The following IPO5 variants were observed in gnomAD, a reference collection of about 807,000 sequenced individuals.
The protein encoded by IPO5 is importin-5.
A neutral mutation model predicts 143.3 loss-of-function variants in IPO5; 18 were observed. The observed-to-expected ratio is 0.13, with a 90% CI of 0.09 to 0.19. The LOEUF (loss-of-function observed/expected upper bound fraction) is 0.19. IPO5 is among the 10% of genes least tolerant of loss of function. The pLI, the probability that IPO5 is intolerant of heterozygous loss-of-function variation, is 1.00. For synonymous variants in IPO5, 477 were observed against 465.7 expected, an observed-to-expected ratio of 1.02 and a Z score of -0.31; for missense variants, 1,013 against 1,336.9, an observed-to-expected ratio of 0.76 and a Z score of 3.78.
intron 2 of IPO5, among the ~76,000 whole-genome samples, chr13:97,966,555 A>C (rs185820976): frequency 6.6e-6 from 1 of 152,046 alleles, no homozygotes; most frequent in South Asian, 2.1e-4. Context: ...TTGTGTCGAT[A>C]TTGGTCTATA....
rs189645091 is a variant in IPO5, at chr13:97,990,540, A to G, written c.669+3A>G. ...ACTTGCTACCGGGATTCCTACAGGTATGAAAGCAATATAGAATAAATCATA... is the reference window on the plus strand; with the variant it reads ...ACTTGCTACCGGGATTCCTACAGGTGTGAAAGCAATATAGAATAAATCATA... On this transcript the variant is annotated splice_donor_region_variant and intron_variant, in intron 9 of 28. Coordinates refer to ENST00000651721, the MANE Select transcript of IPO5 (RefSeq NM_002271.6). 4.0e-6 allele frequency: 6 copies of G among 1,482,744 alleles called. No individual in the cohort carries two copies. In the East Asian group the frequency reaches 9.1e-5, roughly 22 times the overall value. 91.8% of individuals were successfully genotyped at this position (1,482,744 alleles called of 1,614,324 possible).
chr13:97,992,798 T>G, intron 9 of IPO5, 94 bp from the exon 10 acceptor site: 1 of 1,268,154 alleles, frequency 7.9e-7, no homozygotes, highest in South Asian at 1.5e-5. Flanking sequence ...AGTTTAGTAA[T>G]ATTTCTCTAT....
chr13:97,967,594 C>T (rs1885450217), intron 2 of IPO5, among the ~76,000 whole-genome samples: 1 of 151,970 alleles, frequency 6.6e-6, no homozygotes, highest in South Asian at 2.1e-4. Flanking sequence ...ATTTTGGTAT[C>T]TTATATTTTT....
intron 5 of IPO5, among the ~76,000 whole-genome samples, chr13:97,983,140 G>C (rs1025265760): frequency 6.6e-6 from 1 of 152,202 alleles, no homozygotes; most frequent in South Asian, 2.1e-4. Context: ...GAAAGTGCTG[G>C]GATTACAGGC....
chr13:97,972,466 A>C (rs1885901383), intron 3 of IPO5, among the ~76,000 whole-genome samples: 1 of 152,200 alleles, frequency 6.6e-6, no homozygotes, highest in Non-Finnish European at 1.5e-5. Flanking sequence ...AGTACTTCCT[A>C]ACAGCAAAAA....
In IPO5 at chr13:97,992,721, A is replaced by G. The variant is rs544436601; in HGVS notation, c.670-171A>G. Among the ~76,000 whole-genome samples, 10 of 152,372 alleles carry G rather than the reference A, an allele frequency of 6.6e-5. No homozygotes were observed. The East Asian group carries it at 1.9e-3, about 29-fold the overall frequency. On this transcript the variant is annotated intron_variant, in intron 9 of 28. Coordinates refer to ENST00000651721, the MANE Select transcript of IPO5 (RefSeq NM_002271.6). ...TTCTAGTTAACATCCATCAGAAGGAAGGTATACATGTGCCTGCAGGTAGAA... is the reference window on the plus strand; with the variant it reads ...TTCTAGTTAACATCCATCAGAAGGAGGGTATACATGTGCCTGCAGGTAGAA...
rs560602399 is a variant in IPO5, at chr13:98,013,322, A to T, written c.2153-720A>T. Among the ~76,000 whole-genome samples the T allele has an allele frequency of 5.3e-5, 8 of 152,224 alleles. No individual in the cohort carries two copies. The East Asian group carries it at 1.5e-3, about 29-fold the overall frequency. On this transcript the variant is annotated intron_variant, in intron 21 of 28. Coordinates refer to ENST00000651721, the MANE Select transcript of IPO5 (RefSeq NM_002271.6). The stretch of plus-strand genomic sequence containing the variant: ...TCGAACTCCTGACCTCAGGTGATCC[A>T]CCCACATCTGCGTTCCAATATCTTT...
At position 98,010,009 on chromosome 13, in the gene IPO5, A is replaced by G; in HGVS notation, c.1929A>G (p.Leu643=). ...TASIKPEVAL[L]DTQDMENMSD... Reference sequence around the variant, plus strand: ...CAATTAAGCCCGAAGTAGCCCTTTTAGATAGTAGGTGTCTTTAGAAGGAGC... The same window carrying G: ...CAATTAAGCCCGAAGTAGCCCTTTTGGATAGTAGGTGTCTTTAGAAGGAGC... The change falls in exon 19 of 29, where the codon TTA becomes TTG. Residue 643 remains leucine, a synonymous_variant. Transcript: ENST00000651721. 1 of 1,614,120 alleles carries G rather than the reference A, an allele frequency of 6.2e-7. No individual in the cohort carries two copies.
chr13:97,978,828 G>A (rs557998218), intron 4 of IPO5, among the ~76,000 whole-genome samples: 3 of 152,252 alleles, frequency 2.0e-5, no homozygotes, highest in Admixed American at 2.0e-4. Flanking sequence ...GGTGCCTGTT[G>A]TAAATCTTTT....
At position 98,016,362 on chromosome 13, in the gene IPO5, C is replaced by T. The variant is rs138829595; in HGVS notation, c.2494-367C>T. 4.5e-4 allele frequency among the ~76,000 whole-genome samples: 68 copies of T among 152,252 alleles called. 1 individual carries two copies. In the East Asian group the frequency reaches 0.013, roughly 28 times the overall value. On this transcript the variant is annotated intron_variant, in intron 24 of 28. Coordinates refer to ENST00000651721, the MANE Select transcript of IPO5 (RefSeq NM_002271.6). ...GACCCCATTCTCCCCACCATCCACC[C>T]CGAAATGAGGATTATTCTGCTGAAA...
chr13:97,964,157 G>A (rs1036497900), intron 2 of IPO5, among the ~76,000 whole-genome samples: 4 of 152,228 alleles, frequency 2.6e-5, no homozygotes, highest in African/African-American at 9.6e-5. Context: ...TGTTCATTCT[G>A]ATGACAGTTT....
At chr13:97,995,266 A>G (rs766896769) in intron 11 of IPO5, among the ~76,000 whole-genome samples, 3 of 148,650 alleles carry the variant, frequency 2.0e-5, no homozygotes, top group South Asian at 2.1e-4. Flanking sequence ...TGGTGCACCC[A>G]TTACGGGAGC....
intron 13 of IPO5, 161 bp from the exon 14 acceptor site, chr13:98,002,306 C>T (rs1230422815): frequency 2.0e-4 from 113 of 558,976 alleles, no homozygotes; most frequent in Non-Finnish European, 3.0e-4. Flanking sequence ...CGAGCCACCG[C>T]GCCCGGCCTA....
Position 98,002,754 on chromosome 13 carries a change from A to G in IPO5, c.1304A>G (p.Gln435Arg), listed in dbSNP as rs1888910920. ...GCTACAGATTTTGCACCTGGTTTCCAAAAGAAATTTCATGAGAAGGTAAGT... is the reference window on the plus strand; with the variant it reads ...GCTACAGATTTTGCACCTGGTTTCCGAAAGAAATTTCATGAGAAGGTAAGT... ...QMATDFAPGF[Q>R]KKFHEKVIAA... Residue 435 changes from glutamine (Q) to arginine (R), a missense_variant, in exon 15 of 29, where the codon CAA (glutamine) becomes CGA (arginine). By Grantham distance (43) the Gln-to-Arg change is conservative. Transcript: ENST00000651721. The G allele has an allele frequency of 1.2e-6, 2 of 1,611,864 alleles. No individual in the cohort carries two copies. The highest frequency in any genetic ancestry group is 1.3e-5 in the African/African-American group (1 of 74,804).
At position 98,010,126 on chromosome 13, in the gene IPO5, G is replaced by A; in HGVS notation, c.1957G>A (p.Asp653Asn). ...LDTQDMENMS[D>N]DDGWEFVNLG... is the part of the protein sequence containing the mutation. The stretch of plus-strand genomic sequence containing the variant: ...AGCCCAAGACATGGAGAATATGAGT[G>A]ATGATGATGGTTGGGAATTTGTGAA... Residue 653 changes from aspartate (D) to asparagine (N), a missense_variant, in exon 20 of 29, where the codon GAT becomes AAT. Asp to Asn is a conservative substitution (Grantham distance 23, BLOSUM62 1). Coordinates refer to ENST00000651721, the MANE Select transcript of IPO5 (RefSeq NM_002271.6). The A allele has an allele frequency of 1.2e-6, 2 of 1,614,056 alleles. No homozygotes were observed. The highest frequency in any genetic ancestry group is 1.7e-6 in the Non-Finnish European group (2 of 1,179,958).
rs151276921 is a variant in IPO5 at position 97,958,424 on chromosome 13, G to A, written c.-113+4226G>A. ...AACCTGGGCATTCTTGATCTCTCCC[G>A]ACCTCACCCCCACCATCGGGAGAGG... is the stretch of plus-strand genomic sequence containing the variant. On this transcript the variant is annotated intron_variant, in intron 2 of 28. Transcript: ENST00000651721. Among the ~76,000 whole-genome samples, 73 of 152,086 alleles carry A rather than the reference G, an allele frequency of 4.8e-4. 1 individual carries two copies. In the East Asian group the frequency reaches 0.013, roughly 27 times the overall value.
Position 97,990,513 on chromosome 13 carries a change from A to C in IPO5, c.645A>C (p.Ala215=). The change falls in exon 9 of 29, where the codon GCA becomes GCC. Residue 215 remains alanine, a synonymous_variant. Transcript: ENST00000651721. ...EHNVALFKHF[A]DLLPGFLQAV... ...ATGTTGCTCTGTTCAAACATTTTGC[A>C]GACTTGCTACCGGGATTCCTACAGG... 1 of 1,596,940 alleles carries C rather than the reference A, an allele frequency of 6.3e-7. No individual in the cohort carries two copies. The highest frequency in any genetic ancestry group is 2.2e-5 in the East Asian group (1 of 44,568).
At chr13:98,001,099 C>A (rs1169202811) in intron 13 of IPO5, among the ~76,000 whole-genome samples, 1 of 152,044 alleles carries the variant, frequency 6.6e-6, no homozygotes, top group African/African-American at 2.4e-5. Flanking sequence ...GTCTCAAACT[C>A]CTGGCCTCAA....
At chr13:97,963,420 A>G (rs1457017861) in intron 2 of IPO5, 1 of 149,430 alleles carries the variant, frequency 6.7e-6, no homozygotes, top group East Asian at 2.0e-4. Flanking sequence ...ACCAGGCTAG[A>G]GTGCAGTGGT....
Sources: gnomAD v4.1 joint callset for allele counts (sites outside exome capture counted in the v4.1 genomes callset) on GRCh38, gnomAD v4.1.1 for gene constraint, MANE v1.5 for transcripts, NCBI Gene and HGNC (gene_info 2026-07-23, HGNC 2026-07-21) for gene names.